The following STYX variants were observed in gnomAD, a reference collection of about 807,000 sequenced individuals.
The protein encoded by STYX is serine/threonine/tyrosine-interacting protein.
Under a neutral mutation model 42.7 loss-of-function variants are expected in STYX, and 20 were observed. That is an observed-to-expected ratio of 0.47 (90% CI 0.33 to 0.68). The LOEUF is 0.68. Ranked by LOEUF, STYX falls within the 30% of genes least tolerant of loss-of-function variation. The pLI, the probability that STYX is intolerant of heterozygous loss-of-function variation, is 0.02. For synonymous variants in STYX, 78 were observed against 81.9 expected, an observed-to-expected ratio of 0.95 and a Z score of 0.26; for missense variants, 226 against 268.5, an observed-to-expected ratio of 0.84 and a Z score of 1.11.
intron 10 of STYX, among the ~76,000 whole-genome samples, chr14:52,769,892 T>G (rs2139941235): frequency 6.6e-6 from 1 of 152,252 alleles, no homozygotes; most frequent in East Asian, 1.9e-4. Flanking sequence ...TCCTTTGGCT[T>G]CATTCCTACA....
At chr14:52,756,301 A>C (rs1881863860) in intron 4 of STYX, among the ~76,000 whole-genome samples, 1 of 152,216 alleles carries the variant, frequency 6.6e-6, no homozygotes, top group Non-Finnish European at 1.5e-5. Context: ...TGCTGGGATT[A>C]TAGGCATGAG....
At chr14:52,767,275 C>T (rs1350976672) in intron 9 of STYX, among the ~76,000 whole-genome samples, 3 of 152,152 alleles carry the variant, frequency 2.0e-5, no homozygotes, top group African/African-American at 7.2e-5. Context: ...CCTCTCATGA[C>T]CTCATCCCAA....
intron 9 of STYX, among the ~76,000 whole-genome samples, chr14:52,762,306 A>G (rs539300548): frequency 6.6e-6 from 1 of 152,312 alleles, no homozygotes; most frequent in South Asian, 2.1e-4. Flanking sequence ...TTTATTTTAT[A>G]CCAAATTCTG....
intron 2 of STYX, among the ~76,000 whole-genome samples, chr14:52,745,816 G>T (rs78253916): frequency 6.6e-6 from 1 of 152,178 alleles, no homozygotes; most frequent in East Asian, 1.9e-4. Context: ...GAAAAAATAG[G>T]TGAGTACCTA....
chr14:52,740,344 A>G (rs889703215), intron 1 of STYX, among the ~76,000 whole-genome samples: 2 of 152,336 alleles, frequency 1.3e-5, no homozygotes, highest in East Asian at 3.9e-4. Flanking sequence ...TAGAAATTAC[A>G]TGCTTTATTT....
At chr14:52,758,233 G>C (rs1040030808) in intron 8 of STYX, among the ~76,000 whole-genome samples, 5 of 152,148 alleles carry the variant, frequency 3.3e-5, no homozygotes, top group Non-Finnish European at 5.9e-5. Flanking sequence ...AATTTATCAT[G>C]TTCTCCTTTA....
chr14:52,760,918 A>G (rs1882068247), intron 9 of STYX, among the ~76,000 whole-genome samples: 2 of 152,174 alleles, frequency 1.3e-5, no homozygotes. Context: ...CATCCCCTCA[A>G]TCATTTATCC....
intron 9 of STYX, among the ~76,000 whole-genome samples, chr14:52,760,853 A>G (rs58317443): frequency 2.6e-5 from 4 of 151,552 alleles, no homozygotes; most frequent in Non-Finnish European, 5.9e-5. Context: ...TAGGTTAGGT[A>G]TTTCGATACA....
intron 9 of STYX, among the ~76,000 whole-genome samples, chr14:52,767,312 T>A (rs1406035119): frequency 6.6e-6 from 1 of 152,172 alleles, no homozygotes; most frequent in African/African-American, 2.4e-5. Context: ...AGTCCCCACA[T>A]TAAGTGTTTG....
chr14:52,760,783 G>GT lies in STYX; in HGVS notation c.504+1037dup, dbSNP rs200636314. On this transcript the variant is annotated intron_variant, in intron 9 of 10. Transcript: ENST00000354586. ...CTTTTACCATGTTGTAGAAAACATT[G>GT]TTTTTTTTCATTTTTTTTAAACTAT... Among the ~76,000 whole-genome samples, 507 of 150,430 alleles carry GT rather than the reference G, an allele frequency of 3.4e-3. 4 individuals are homozygous for GT. The highest frequency in any genetic ancestry group is 0.011 in the African/African-American group (455 of 40,898).
At chr14:52,734,655 A>T (rs1880873483) in intron 1 of STYX, among the ~76,000 whole-genome samples, 1 of 152,246 alleles carries the variant, frequency 6.6e-6, no homozygotes, top group East Asian at 1.9e-4. Flanking sequence ...AAGCTAGTGG[A>T]TAATGATGCA....
rs541419465 is a variant in STYX, at chr14:52,760,455, A to C, written c.504+701A>C. 8.7e-4 allele frequency among the ~76,000 whole-genome samples: 133 copies of C among 152,316 alleles called. 1 individual carries two copies. Among genetic ancestry groups the C allele is most frequent in the Non-Finnish European group, 8.5e-4 (58 of 68,022 alleles). On this transcript the variant is annotated intron_variant, in intron 9 of 10. Transcript: ENST00000354586. ...GTTGATGCCTGGCAGATGCACTGACAAAGATGATAAGTCTATGAATTAACC... is the reference window on the plus strand; with the variant it reads ...GTTGATGCCTGGCAGATGCACTGACCAAGATGATAAGTCTATGAATTAACC...
intron 9 of STYX, among the ~76,000 whole-genome samples, chr14:52,760,154 A>C (rs1344859703): frequency 5.3e-5 from 8 of 152,154 alleles, no homozygotes; most frequent in African/African-American, 1.9e-4. Context: ...TACAGTGAAC[A>C]GTGTGCCTTT....
At chr14:52,752,316 T>C (rs948659577) in intron 4 of STYX, among the ~76,000 whole-genome samples, 17 of 151,268 alleles carry the variant, frequency 1.1e-4, no homozygotes, top group Admixed American at 9.2e-4. Flanking sequence ...AATACAAAAA[T>C]TATCTGGGCG....
intron 3 of STYX, among the ~76,000 whole-genome samples, chr14:52,748,887 C>T (rs898376641): frequency 6.6e-6 from 1 of 152,284 alleles, no homozygotes; most frequent in Middle Eastern, 3.4e-3. Flanking sequence ...ATTAATCTTA[C>T]CAAATGCTTA....
chr14:52,738,030 C>G (rs1014430348), intron 1 of STYX, among the ~76,000 whole-genome samples: 6 of 152,164 alleles, frequency 3.9e-5, no homozygotes, highest in African/African-American at 1.2e-4. Flanking sequence ...CCCTCCTTGG[C>G]CTCCCAAAGT....
At chr14:52,751,851 A>G (rs371695092) in intron 4 of STYX, among the ~76,000 whole-genome samples, 3 of 152,280 alleles carry the variant, frequency 2.0e-5, no homozygotes, top group East Asian at 1.9e-4. Context: ...TTCAATATCT[A>G]TGTAAAAGTA....
chr14:52,749,954 A>G (rs1881545572), intron 3 of STYX, among the ~76,000 whole-genome samples: 2 of 152,220 alleles, frequency 1.3e-5, no homozygotes, highest in African/African-American at 4.8e-5. Flanking sequence ...GGTGTGTGTG[A>G]AACATAAATG....
intron 1 of STYX, among the ~76,000 whole-genome samples, chr14:52,734,325 C>A (rs1487943566): frequency 6.6e-6 from 1 of 152,172 alleles, no homozygotes; most frequent in Non-Finnish European, 1.5e-5. Context: ...GCCTCACTAG[C>A]ACCTCCAGTG....
Sources: allele counts gnomAD v4.1 joint callset (sites outside exome capture counted in the v4.1 genomes callset), GRCh38; gene constraint gnomAD v4.1.1; transcripts MANE v1.5; gene names NCBI Gene and HGNC (gene_info 2026-07-23, HGNC 2026-07-21).